Variants in PHLDB2 observed in about 807,000 individuals in gnomAD.
PHLDB2 encodes the protein pleckstrin homology like domain family B member 2, also known as pleckstrin homology-like domain family B member 2.
PHLDB2 carries 71 observed loss-of-function variants against 123.6 expected under a neutral mutation model. The observed-to-expected ratio is 0.57, with a 90% CI of 0.47 to 0.70. The LOEUF (loss-of-function observed/expected upper bound fraction) is 0.70. PHLDB2 is among the 30% of genes least tolerant of loss of function. The probability of loss-of-function intolerance (pLI) is 0.00; values close to 1 mark genes in which losing one functional copy is unlikely to be tolerated. For synonymous variants in PHLDB2, 547 were observed against 541.6 expected, an observed-to-expected ratio of 1.01 and a Z score of -0.14; for missense variants, 1,446 against 1,519.5, an observed-to-expected ratio of 0.95 and a Z score of 0.80.
intron 1 of PHLDB2, among the ~76,000 whole-genome samples, chr3:111,808,941 T>C (rs1265008850): frequency 1.3e-5 from 2 of 152,232 alleles, no homozygotes; most frequent in Non-Finnish European, 2.9e-5. Context: ...TAAGGGTTTA[T>C]ATCTCTGTTA....
At chr3:111,776,731 T>C (rs2060273384) in intron 1 of PHLDB2, among the ~76,000 whole-genome samples, 1 of 152,112 alleles carries the variant, frequency 6.6e-6, no homozygotes, top group African/African-American at 2.4e-5. Flanking sequence ...TCACCTTCCC[T>C]TTGTCATCAG....
intron 15 of PHLDB2, 94 bp downstream of exon 15, chr3:111,967,918 G>A: frequency 9.0e-7 from 1 of 1,116,548 alleles, no homozygotes; most frequent in Non-Finnish European, 1.2e-6. Context: ...GCTTTCCTGG[G>A]CACTGAGCAT....
intron 12 of PHLDB2, chr3:111,958,362 C>T: frequency 5.4e-6 from 5 of 924,166 alleles, no homozygotes; most frequent in Non-Finnish European, 5.2e-6. Context: ...CCAGGTTATA[C>T]TTTAAGTCAT....
At chr3:111,907,390 G>T (rs1041529135) in intron 2 of PHLDB2, among the ~76,000 whole-genome samples, 3 of 152,174 alleles carry the variant, frequency 2.0e-5, no homozygotes, top group African/African-American at 7.2e-5. Flanking sequence ...TTTTCCTGTA[G>T]GTCAGAAAGT....
At chr3:111,743,775 T>C (rs1028225034) in intron 1 of PHLDB2, among the ~76,000 whole-genome samples, 4 of 152,216 alleles carry the variant, frequency 2.6e-5, no homozygotes, top group African/African-American at 9.6e-5. Context: ...AGTGTATAAG[T>C]GAAAACTTTC....
At chr3:111,945,182 A>C in intron 8 of PHLDB2, 86 bp from the exon 9 acceptor site, 2 of 861,118 alleles carry the variant, frequency 2.3e-6, no homozygotes, top group South Asian at 1.5e-5. Context: ...TGAGAATCTG[A>C]TGTTAGTCTC....
intron 1 of PHLDB2, among the ~76,000 whole-genome samples, chr3:111,784,552 A>C (rs990176880): frequency 6.6e-6 from 1 of 152,192 alleles, no homozygotes; most frequent in African/African-American, 2.4e-5. Context: ...GATAAGCAGC[A>C]TAAGCAAGAA....
chr3:111,770,122 C>A (rs1355118299), intron 1 of PHLDB2, among the ~76,000 whole-genome samples: 1 of 152,202 alleles, frequency 6.6e-6, no homozygotes, highest in Non-Finnish European at 1.5e-5. Context: ...CAGAGCCACA[C>A]AGCTGAGAGT....
chr3:111,892,989 G>A (rs1201925099), intron 2 of PHLDB2, among the ~76,000 whole-genome samples: 2 of 152,092 alleles, frequency 1.3e-5, no homozygotes, highest in Non-Finnish European at 2.9e-5. Context: ...AAATTGTTTA[G>A]GAACCCAAGA....
At chr3:111,917,817 A>G (rs2068265652) in intron 3 of PHLDB2, among the ~76,000 whole-genome samples, 1 of 152,228 alleles carries the variant, frequency 6.6e-6, no homozygotes, top group Non-Finnish European at 1.5e-5. Context: ...TCTTAAATGT[A>G]TTATCAGGAT....
At chr3:111,778,032 TC>T (rs2060297651) in intron 1 of PHLDB2, among the ~76,000 whole-genome samples, 3 of 152,068 alleles carry the variant, frequency 2.0e-5, no homozygotes, top group Admixed American at 2.0e-4. Flanking sequence ...GATTTACATT[TC>T]ATCGCACAAT....
chr3:111,866,201 A>G (rs962974601), intron 1 of PHLDB2, among the ~76,000 whole-genome samples: 8 of 151,534 alleles, frequency 5.3e-5, no homozygotes, highest in Admixed American at 1.3e-4. Context: ...GTACTTTAAT[A>G]GTGATGGGGT....
upstream of PHLDB2, among the ~76,000 whole-genome samples, chr3:111,856,063 T>G (rs1049308149): frequency 2.0e-5 from 3 of 152,212 alleles, no homozygotes; most frequent in Non-Finnish European, 4.4e-5. Flanking sequence ...TTTAGTCACT[T>G]GAAAAAGTCA....
At chr3:111,847,272 C>T (rs958847483) in intron 2 of PHLDB2, among the ~76,000 whole-genome samples, 3 of 152,074 alleles carry the variant, frequency 2.0e-5, no homozygotes, top group Non-Finnish European at 4.4e-5. Context: ...AATTATTCAA[C>T]AAATATTTAA....
intron 2 of PHLDB2, among the ~76,000 whole-genome samples, chr3:111,893,509 A>G (rs930258276): frequency 6.6e-6 from 1 of 152,258 alleles, no homozygotes. Flanking sequence ...CTCTCTTCCT[A>G]TACTCTGAGC....
chr3:111,795,147 T>A (rs776019647), intron 1 of PHLDB2, among the ~76,000 whole-genome samples: 16 of 152,158 alleles, frequency 1.1e-4, no homozygotes, highest in Non-Finnish European at 1.6e-4. Context: ...AATTAAAAGG[T>A]ATGTAAATGA....
chr3:111,772,719 G>C (rs546628282), intron 1 of PHLDB2, among the ~76,000 whole-genome samples: 6 of 152,154 alleles, frequency 3.9e-5, no homozygotes, highest in African/African-American at 9.7e-5. Context: ...ATCCAGGGTC[G>C]TTTTCTTTAC....
chr3:111,931,524 C>T (rs1282598769), intron 5 of PHLDB2, among the ~76,000 whole-genome samples: 4 of 152,046 alleles, frequency 2.6e-5, no homozygotes, highest in East Asian at 1.9e-4. Context: ...TTTCACAGTC[C>T]GTGTTTCAGT....
intron 1 of PHLDB2, among the ~76,000 whole-genome samples, chr3:111,871,575 G>A (rs1254165515): frequency 6.6e-6 from 1 of 152,104 alleles, no homozygotes; most frequent in Non-Finnish European, 1.5e-5. Context: ...AATGGCTTGA[G>A]CCCGGGAGGC....
Sources: gnomAD v4.1 joint callset for allele counts (sites outside exome capture counted in the v4.1 genomes callset) on GRCh38, gnomAD v4.1.1 for gene constraint, MANE v1.5 for transcripts, NCBI Gene and HGNC (gene_info 2026-07-23, HGNC 2026-07-21) for gene names.